Variants in C11orf65 observed in about 807,000 individuals in gnomAD.
C11orf65 encodes the protein chromosome 11 open reading frame 65.
C11orf65 carries 38 observed loss-of-function variants against 35.3 expected under a neutral mutation model. The ratio of observed to expected loss-of-function variants is 1.08; its 90% CI spans 0.83 to 1.41. The LOEUF (loss-of-function observed/expected upper bound fraction) is 1.41. Ranked by LOEUF, C11orf65 falls within the 40% of genes most tolerant of loss-of-function variation. C11orf65 has a pLI of 0.00. For missense variants in C11orf65, 370 were observed against 367.1 expected (o/e 1.01, Z -0.06); for synonymous variants, 105 against 114.4 (o/e 0.92, Z 0.53).
chr11:108,310,145 C>G lies in C11orf65; in HGVS notation c.641-1074G>C. 6.2e-7 allele frequency: 1 copy of G among 1,608,426 alleles called. No individual in the cohort carries two copies. The highest frequency in any genetic ancestry group is 8.5e-7 in the Non-Finnish European group (1 of 1,175,636). Reference sequence around the variant, plus strand: ...TTTAAAAAAGTGAATGACATTATATCTCATTTTTCTTTAGACCTTCTTCAG... The same window carrying G: ...TTTAAAAAAGTGAATGACATTATATGTCATTTTTCTTTAGACCTTCTTCAG... On this transcript the variant is annotated intron_variant, in intron 6 of 6. Coordinates refer to the C11orf65 transcript ENST00000525729.
chr11:108,312,499 G>A lies in C11orf65; in HGVS notation c.641-3428C>T, dbSNP rs786202016. On this transcript the variant is annotated intron_variant, in intron 6 of 6. Transcript: ENST00000525729. Reference sequence around the variant, plus strand: ...AGAAGAAACTGGAATAAGTTTACAGGTAAATATTAGAGGCTCTATTATTTA... The same window carrying A: ...AGAAGAAACTGGAATAAGTTTACAGATAAATATTAGAGGCTCTATTATTTA... 1 of 1,542,256 alleles carries A rather than the reference G, an allele frequency of 6.5e-7. No individual in the cohort carries two copies.
intron 7 of C11orf65, among the ~76,000 whole-genome samples, chr11:108,392,878 T>C (rs1233177659): frequency 1.3e-5 from 2 of 152,222 alleles, no homozygotes; most frequent in Non-Finnish European, 2.9e-5. Flanking sequence ...GGTTAGGGAA[T>C]ATAGATGAAA....
At chr11:108,379,464 T>G (rs1416116202), downstream of C11orf65, among the ~76,000 whole-genome samples, 1 of 102,582 alleles carries the variant, frequency 9.7e-6, no homozygotes, top group African/African-American at 3.8e-5. Flanking sequence ...CATCACACTC[T>G]GGGGACTGTT....
intron 2 of C11orf65, among the ~76,000 whole-genome samples, chr11:108,438,373 G>A (rs912145743): frequency 1.3e-5 from 2 of 151,772 alleles, no homozygotes; most frequent in Non-Finnish European, 2.9e-5. Flanking sequence ...CCAACGTGGT[G>A]AAACCCTGTC....
intron 2 of C11orf65, chr11:108,335,335 A>G (rs2086720453): frequency 7.9e-6 from 11 of 1,396,798 alleles, no homozygotes; most frequent in Non-Finnish European, 1.0e-5. Context: ...AAGTAAAAGA[A>G]TACCATTAAC....
chr11:108,422,079 G>A (rs539309541), intron 3 of C11orf65, among the ~76,000 whole-genome samples: 1 of 152,216 alleles, frequency 6.6e-6, no homozygotes, highest in African/African-American at 2.4e-5. Context: ...ACAGGCGCAT[G>A]CCACCATGCC....
intron 2 of C11orf65, chr11:108,335,948 T>C: frequency 6.2e-7 from 1 of 1,609,306 alleles, no homozygotes; most frequent in Non-Finnish European, 8.5e-7. Context: ...AAATTAACTA[T>C]CTGTACTTAT....
At chr11:108,458,798 C>A (rs2093436767) in intron 2 of C11orf65, among the ~76,000 whole-genome samples, 1 of 152,124 alleles carries the variant, frequency 6.6e-6, no homozygotes, top group Admixed American at 6.6e-5. Context: ...TCTCCACATT[C>A]CCGTCACAGC....
intron 6 of C11orf65, among the ~76,000 whole-genome samples, chr11:108,403,184 T>G (rs1398885282): frequency 6.6e-6 from 1 of 152,190 alleles, no homozygotes; most frequent in African/African-American, 2.4e-5. Context: ...AAGTACACAT[T>G]CTAATTTGCA....
At chr11:108,318,076 A>T (rs1177009178) in intron 6 of C11orf65, among the ~76,000 whole-genome samples, 1 of 152,214 alleles carries the variant, frequency 6.6e-6, no homozygotes, top group South Asian at 2.1e-4. Context: ...TTAAAAAATA[A>T]TACGGCCAGG....
At chr11:108,395,812 G>A (rs139068215) in intron 6 of C11orf65, among the ~76,000 whole-genome samples, 1,865 of 150,612 alleles carry the variant, frequency 0.012, 47 homozygotes, top group African/African-American at 0.042. Flanking sequence ...TAGTAGAGAC[G>A]GGATTTCACC....
At chr11:108,437,111 G>GGC (rs67635694) in intron 2 of C11orf65, among the ~76,000 whole-genome samples, 3 of 15,972 alleles carry the variant, frequency 1.9e-4, no homozygotes, top group Non-Finnish European at 3.9e-4. Context: ...AAAAAAAAAA[G>GGC]GGGGGGGGTG....
At chr11:108,424,441 G>C (rs2138946192) in intron 3 of C11orf65, among the ~76,000 whole-genome samples, 1 of 152,250 alleles carries the variant, frequency 6.6e-6, no homozygotes, top group South Asian at 2.1e-4. Context: ...TGATATACCT[G>C]AAAGTGATGG....
At chr11:108,421,369 A>G (rs2092813689) in intron 3 of C11orf65, among the ~76,000 whole-genome samples, 1 of 152,092 alleles carries the variant, frequency 6.6e-6, no homozygotes, top group Non-Finnish European at 1.5e-5. Flanking sequence ...CAAAATACAC[A>G]ACCAGGCCAG....
rs545936025 is a variant in C11orf65, at chr11:108,461,200, G to A, written c.81+279C>T. 5.9e-5 allele frequency among the ~76,000 whole-genome samples: 9 copies of A among 152,092 alleles called. No homozygotes were observed. The East Asian group carries it at 1.4e-3, about 23-fold the overall frequency. ...GTGGATCACCTGAAGTCAGGAGTTC[G>A]GGACCAGCCTGGCCAACATGGTGAA... On this transcript the variant is annotated intron_variant, in intron 2 of 8. Coordinates refer to ENST00000393084, the MANE Select transcript of C11orf65 (RefSeq NM_152587.5).
At chr11:108,347,582 G>A (rs1285723151) in intron 2 of C11orf65, among the ~76,000 whole-genome samples, 2 of 152,126 alleles carry the variant, frequency 1.3e-5, no homozygotes, top group African/African-American at 4.8e-5. Flanking sequence ...TGTCTTTTGA[G>A]CCTGGTCTTC....
intron 2 of C11orf65, among the ~76,000 whole-genome samples, chr11:108,374,272 T>A (rs1036248773): frequency 4.6e-5 from 7 of 152,258 alleles, no homozygotes; most frequent in African/African-American, 1.4e-4. Flanking sequence ...CATGGCCAGG[T>A]ACTCCTCTGA....
intron 2 of C11orf65, among the ~76,000 whole-genome samples, chr11:108,458,056 C>T (rs1317928829): frequency 6.6e-6 from 1 of 152,162 alleles, no homozygotes; most frequent in South Asian, 2.1e-4. Flanking sequence ...CTCTGTCATA[C>T]TTTCTATTGC....
In C11orf65 at chr11:108,365,423, G is replaced by T. The variant is rs201199629; in HGVS notation, c.226+27785C>A. On this transcript the variant is annotated intron_variant, in intron 2 of 3. Transcript: ENST00000524755. ...GAAGAAGGCACTGTGCTCAGTGTTG[G>T]TGGACAAGTGAATTTGCTCATACAG... 1.2e-6 allele frequency: 2 copies of T among 1,614,180 alleles called. No individual in the cohort carries two copies. Among genetic ancestry groups the T allele is most frequent in the Non-Finnish European group, 1.7e-6 (2 of 1,180,034 alleles).
Sources: gnomAD v4.1 joint callset for allele counts (sites outside exome capture counted in the v4.1 genomes callset) on GRCh38, gnomAD v4.1.1 for gene constraint, MANE v1.5 for transcripts, NCBI Gene and HGNC (gene_info 2026-07-23, HGNC 2026-07-21) for gene names.